The following CARMIL1 variants were observed in gnomAD, a reference collection of about 807,000 sequenced individuals.
CARMIL1 encodes the protein F-actin-uncapping protein LRRC16A.
A neutral mutation model predicts 177.1 loss-of-function variants in CARMIL1; 90 were observed. The ratio of observed to expected loss-of-function variants is 0.51; its 90% CI spans 0.43 to 0.61. The LOEUF (loss-of-function observed/expected upper bound fraction) is 0.61, where lower values mean the gene tolerates loss of function less well. Among genes scored for constraint, CARMIL1 ranks in the 20% least tolerant of loss-of-function variants. CARMIL1 has a pLI of 0.00. For synonymous variants in CARMIL1, 577 were observed against 606.2 expected (o/e 0.95, Z 0.71); for missense variants, 1,380 against 1,667.0 (o/e 0.83, Z 3.00).
intron 24 of CARMIL1, among the ~76,000 whole-genome samples, chr6:25,534,564 C>T (rs541204785): frequency 5.3e-5 from 8 of 152,052 alleles, no homozygotes; most frequent in Non-Finnish European, 1.2e-4. Context: ...TGTGATTCCT[C>T]CTTTGGATAA....
intron 2 of CARMIL1, among the ~76,000 whole-genome samples, chr6:25,332,379 C>T (rs1031411750): frequency 3.2e-4 from 49 of 152,112 alleles, no homozygotes; most frequent in Non-Finnish European, 5.7e-4. Context: ...CGATTGTGCT[C>T]ATCCAGGTAT....
intron 2 of CARMIL1, among the ~76,000 whole-genome samples, chr6:25,385,036 A>G (rs58259045): frequency 0.067 from 10,143 of 152,252 alleles, 1,017 homozygotes; most frequent in African/African-American, 0.22. Context: ...GATTAATAAG[A>G]TAATCTTTCT....
chr6:25,310,928 G>C (rs2150204774), intron 2 of CARMIL1, among the ~76,000 whole-genome samples: 1 of 152,202 alleles, frequency 6.6e-6, no homozygotes, highest in South Asian at 2.1e-4. Context: ...ATGGTGGGTT[G>C]AGGCCGGGTG....
intron 2 of CARMIL1, among the ~76,000 whole-genome samples, chr6:25,303,925 G>A (rs1211475716): frequency 6.6e-6 from 1 of 152,230 alleles, no homozygotes; most frequent in African/African-American, 2.4e-5. Context: ...TCATCATTGG[G>A]TTTGACTTGA....
chr6:25,408,330 G>A (rs1313756179), intron 2 of CARMIL1, among the ~76,000 whole-genome samples: 1 of 150,570 alleles, frequency 6.6e-6, no homozygotes, highest in Non-Finnish European at 1.5e-5. Flanking sequence ...CGGGCAGAGA[G>A]TGGGATGCCT....
chr6:25,387,832 A>G (rs1473797448), intron 2 of CARMIL1, among the ~76,000 whole-genome samples: 2 of 152,194 alleles, frequency 1.3e-5, no homozygotes, highest in East Asian at 1.9e-4. Context: ...AAAGCATCGT[A>G]TGAAATAGAG....
intron 2 of CARMIL1, among the ~76,000 whole-genome samples, chr6:25,414,852 G>C (rs1471709303): frequency 6.6e-6 from 1 of 152,104 alleles, no homozygotes; most frequent in African/African-American, 2.4e-5. Flanking sequence ...CCTGCACAAA[G>C]CTTTTGTAGC....
At chr6:25,517,297 A>G in intron 21 of CARMIL1, 50 bp from the exon 22 acceptor site, 1 of 1,400,036 alleles carries the variant, frequency 7.1e-7, no homozygotes, top group Non-Finnish European at 1.0e-6. Flanking sequence ...CAATGTGAGA[A>G]TCATTTTCTT....
chr6:25,475,400 CAA>C (rs759669150), intron 11 of CARMIL1, among the ~76,000 whole-genome samples: 19 of 87,930 alleles, frequency 2.2e-4, no homozygotes, highest in Admixed American at 2.6e-4. Flanking sequence ...GACTCCGTCT[CAA>C]AAAAAAAAAA....
In CARMIL1 at chr6:25,411,535, C is replaced by T. The variant is rs1057436033; in HGVS notation, c.139-8579C>T. On this transcript the variant is annotated intron_variant, in intron 2 of 36. Transcript: ENST00000329474. ...AAAAGAGGATCTGATATGTACTGGC[C>T]CCTGTGTTCACCTGTGGGCGAACAT... is the stretch of plus-strand genomic sequence containing the variant. Among the ~76,000 whole-genome samples, 7 of 152,210 alleles carry T rather than the reference C, an allele frequency of 4.6e-5. No homozygotes were observed. In the East Asian group the frequency reaches 1.2e-3, roughly 25 times the overall value.
rs747498509 is a variant in CARMIL1 at position 25,520,259 on chromosome 6, A to C, written c.1890A>C (p.Arg630Ser). 1 of 1,540,074 alleles carries C rather than the reference A, an allele frequency of 6.5e-7. No individual in the cohort carries two copies. Among genetic ancestry groups the C allele is most frequent in the Admixed American group, 2.0e-5 (1 of 51,272 alleles). Residue 630 changes from arginine to serine, a missense_variant, in exon 23 of 37, where the codon AGA becomes AGC. Coordinates refer to ENST00000329474, the MANE Select transcript of CARMIL1 (RefSeq NM_017640.6). ...CTTTTTCTAGGAACTACACATTAAG[A>C]TTTATGCCAATTCCTATGTATGATG... ...AVAMEKNYTL[R>S]FMPIPMYDAS... is the part of the protein sequence containing the mutation.
intron 12 of CARMIL1, among the ~76,000 whole-genome samples, chr6:25,484,620 G>A (rs1213041270): frequency 6.6e-6 from 1 of 152,142 alleles, no homozygotes; most frequent in Non-Finnish European, 1.5e-5. Context: ...AATTATCAAT[G>A]TAGTACACAT....
chr6:25,544,444 A>G (rs1201514724), intron 26 of CARMIL1, among the ~76,000 whole-genome samples: 3 of 152,100 alleles, frequency 2.0e-5, no homozygotes, highest in Non-Finnish European at 4.4e-5. Context: ...TCACTTCTCA[A>G]TAGTTAATGG....
intron 2 of CARMIL1, among the ~76,000 whole-genome samples, chr6:25,357,689 A>G (rs1042447128): frequency 6.6e-6 from 1 of 152,212 alleles, no homozygotes; most frequent in African/African-American, 2.4e-5. Flanking sequence ...TTACTCCATC[A>G]TGAGTAGGGA....
At chr6:25,314,583 C>G (rs1784131150) in intron 2 of CARMIL1, among the ~76,000 whole-genome samples, 1 of 107,264 alleles carries the variant, frequency 9.3e-6, no homozygotes, top group Non-Finnish European at 1.7e-5. Flanking sequence ...CACACATGCA[C>G]TTATATATTC....
chr6:25,450,118 C>T (rs906317569), intron 6 of CARMIL1, 123 bp downstream of exon 6: 12 of 846,626 alleles, frequency 1.4e-5, no homozygotes, highest in African/African-American at 3.4e-5. Context: ...TAATTAGCAG[C>T]GCACAGACTT....
Position 25,515,948 on chromosome 6 carries a change from C to T in CARMIL1, c.1805+101C>T, listed in dbSNP as rs1019251993. On this transcript the variant is annotated intron_variant, in intron 21 of 36. Coordinates refer to ENST00000329474, the MANE Select transcript of CARMIL1 (RefSeq NM_017640.6). The surrounding 1 kb of genome is among the most constrained non-coding windows in gnomAD (Gnocchi z 5.0). ...TGGGCCCGAGGGGACCTGGGCTTCCCATGAGGCCATCTTGAGGAGAAGAGG... is the reference window on the plus strand; with the variant it reads ...TGGGCCCGAGGGGACCTGGGCTTCCTATGAGGCCATCTTGAGGAGAAGAGG... 6.8e-6 allele frequency: 8 copies of T among 1,171,792 alleles called. No individual in the cohort carries two copies. The highest frequency in any genetic ancestry group is 8.2e-6 in the Non-Finnish European group (7 of 849,464). 72.6% of individuals were successfully genotyped at this position (1,171,792 alleles called of 1,614,324 possible).
At chr6:25,409,229 A>G (rs550308871) in intron 2 of CARMIL1, among the ~76,000 whole-genome samples, 3 of 152,358 alleles carry the variant, frequency 2.0e-5, no homozygotes, top group Admixed American at 1.3e-4. Context: ...GGCTGAGACC[A>G]GGAGACTGGG....
intron 4 of CARMIL1, among the ~76,000 whole-genome samples, chr6:25,431,141 T>G (rs1358379792): frequency 6.6e-6 from 1 of 152,220 alleles, no homozygotes; most frequent in Non-Finnish European, 1.5e-5. Flanking sequence ...CAACTTTCTT[T>G]TTGGTTCCAT....
Sources: allele counts gnomAD v4.1 joint callset (sites outside exome capture counted in the v4.1 genomes callset), GRCh38; gene constraint gnomAD v4.1.1; non-coding constraint Gnocchi (gnomAD v3.1); transcripts MANE v1.5; gene names NCBI Gene and HGNC (gene_info 2026-07-23, HGNC 2026-07-21).